The following PRH1 variants were observed in gnomAD, a reference collection of about 807,000 sequenced individuals.
PRH1 encodes the protein proline rich protein HaeIII subfamily 1, also known as salivary acidic proline-rich phosphoprotein 1/2.
PRH1 carries 7 observed loss-of-function variants against 7.9 expected under a neutral mutation model. The ratio of observed to expected loss-of-function variants is 0.89; its 90% CI spans 0.50 to 1.67. The LOEUF (loss-of-function observed/expected upper bound fraction) is 1.67, where lower values mean the gene tolerates loss of function less well. Among genes scored for constraint, PRH1 ranks in the 40% most tolerant of loss-of-function variants. The pLI is 0.00. For synonymous variants in PRH1, 45 were observed against 80.8 expected (o/e 0.56, Z 2.38); for missense variants, 109 against 223.6 (o/e 0.49, Z 3.27).
In PRH1 at chr12:10,985,798, A is replaced by G. The variant is rs533632641; in HGVS notation, c.-125-12077T>C. ...CTTTTAGACTAACTTTAGGTAAAAG[A>G]CTTTTCTAGGTATGCTTTCAGAAAA... On this transcript the variant is annotated intron_variant, in intron 1 of 3. Coordinates refer to the PRH1 transcript ENST00000539853. 179 of 748,188 alleles carry G rather than the reference A, an allele frequency of 2.4e-4. 2 individuals are homozygous for G. The South Asian group carries it at 3.8e-3, about 16-fold the overall frequency. The allele number at this position is 748,188 out of a possible 1,614,324, so 46.3% of individuals were successfully genotyped here. A position where few individuals can be genotyped will look rare whatever the true frequency, so the allele number is the denominator to read the frequency against.
intron 1 of PRH1, among the ~76,000 whole-genome samples, chr12:11,083,583 A>C (rs1565634974): frequency 9.0e-6 from 1 of 110,986 alleles, no homozygotes; most frequent in Non-Finnish European, 2.0e-5. Context: ...TAAAGAAAAA[A>C]CTTATAGCAT....
chr12:11,145,974 G>A (rs1946847739), intron 1 of PRH1, among the ~76,000 whole-genome samples: 1 of 151,984 alleles, frequency 6.6e-6, no homozygotes. Context: ...ATTATTTTTA[G>A]AAACGTTTCA....
chr12:11,084,143 T>C (rs1293704431), intron 1 of PRH1, among the ~76,000 whole-genome samples: 1 of 125,718 alleles, frequency 8.0e-6, no homozygotes, highest in Non-Finnish European at 1.9e-5. Flanking sequence ...ACAGGAACTG[T>C]GTTAGGATTA....
chr12:11,142,065 T>C (rs1257605573), intron 1 of PRH1, among the ~76,000 whole-genome samples: 1 of 152,132 alleles, frequency 6.6e-6, no homozygotes, highest in Admixed American at 6.6e-5. Context: ...AGTGCTTGGA[T>C]ACAGGCATGA....
intron 1 of PRH1, among the ~76,000 whole-genome samples, chr12:11,017,369 GAAATA>G (rs1431508824): frequency 1.3e-5 from 2 of 152,110 alleles, no homozygotes; most frequent in African/African-American, 4.8e-5. Flanking sequence ...ACATTAAATA[GAAATA>G]AAATATCAGA....
intron 1 of PRH1, among the ~76,000 whole-genome samples, chr12:10,982,927 T>G (rs1939427623): frequency 6.6e-6 from 1 of 152,176 alleles, no homozygotes; most frequent in Non-Finnish European, 1.5e-5. Flanking sequence ...TATTGGGGTT[T>G]TGAATTCAAC....
intron 1 of PRH1, among the ~76,000 whole-genome samples, chr12:11,152,500 C>G (rs1326233048): frequency 6.6e-6 from 1 of 151,934 alleles, no homozygotes; most frequent in Admixed American, 6.6e-5. Flanking sequence ...TCTCTTCTCT[C>G]AAGATCAATT....
At chr12:11,134,913 A>G (rs1369215068) in intron 1 of PRH1, among the ~76,000 whole-genome samples, 3 of 152,032 alleles carry the variant, frequency 2.0e-5, no homozygotes, top group Non-Finnish European at 4.4e-5. Context: ...TACACACACA[A>G]ACACACACAT....
At chr12:11,143,932 T>C (rs955122178) in intron 1 of PRH1, among the ~76,000 whole-genome samples, 6 of 152,178 alleles carry the variant, frequency 3.9e-5, no homozygotes, top group African/African-American at 1.2e-4. Context: ...CAGAGTCCTG[T>C]GATGTGAACA....
At chr12:10,881,722 C>T (rs1016657799) in intron 3 of PRH1, among the ~76,000 whole-genome samples, 3 of 152,082 alleles carry the variant, frequency 2.0e-5, no homozygotes, top group Admixed American at 2.0e-4. Flanking sequence ...CTGTACATTT[C>T]GGTTCAGTGA....
intron 2 of PRH1, among the ~76,000 whole-genome samples, chr12:10,892,540 G>A (rs1347641951): frequency 6.6e-6 from 1 of 151,994 alleles, no homozygotes; most frequent in Non-Finnish European, 1.5e-5. Context: ...TTCATAAGGG[G>A]TATGTCATTT....
At chr12:11,038,238 A>T (rs76499663) in intron 1 of PRH1, among the ~76,000 whole-genome samples, 3,608 of 152,300 alleles carry the variant, frequency 0.024, 67 homozygotes, top group Non-Finnish European at 0.038. Flanking sequence ...TAACATACAC[A>T]TAGAGAGTAA....
intron 1 of PRH1, among the ~76,000 whole-genome samples, chr12:11,113,609 A>T (rs149860270): frequency 6.6e-6 from 1 of 152,188 alleles, no homozygotes; most frequent in Non-Finnish European, 1.5e-5. Context: ...AACCATAAAA[A>T]CCCTAGAAGA....
chr12:10,991,577 T>C (rs1057331812), intron 1 of PRH1, among the ~76,000 whole-genome samples: 5 of 152,184 alleles, frequency 3.3e-5, no homozygotes, highest in African/African-American at 1.2e-4. Context: ...ATTTGATATA[T>C]GTAACTATAT....
rs767155898 is a variant in PRH1 at position 10,938,629 on chromosome 12, C to A, written c.-59+35026G>T. ...TGAGGAGAAGAAACATTGCCAGGGACAAAGTAAAGGGTATGAAAATGAACA... is the reference window on the plus strand; with the variant it reads ...TGAGGAGAAGAAACATTGCCAGGGAAAAAGTAAAGGGTATGAAAATGAACA... On this transcript the variant is annotated intron_variant, in intron 2 of 3. Coordinates refer to the PRH1 transcript ENST00000539853. 7.4e-6 allele frequency: 12 copies of A among 1,613,604 alleles called. No homozygotes were observed. The Admixed American group carries it at 2.0e-4, about 27-fold the overall frequency.
Position 11,082,054 on chromosome 12 carries a change from T to G in PRH1, n.124-34866A>C, listed in dbSNP as rs1408152721. On this transcript the variant is annotated intron_variant and non_coding_transcript_variant, in intron 1 of 4. Transcript: ENST00000541977. ...AAATCTAAATGTATTCAGCCTGACTTGAACTTTGCTGTTTACTAATATAAC... is the reference window on the plus strand; with the variant it reads ...AAATCTAAATGTATTCAGCCTGACTGGAACTTTGCTGTTTACTAATATAAC... 3.4e-5 allele frequency among the ~76,000 whole-genome samples: 4 copies of G among 116,982 alleles called. 1 individual carries two copies. The highest frequency in any genetic ancestry group is 6.1e-5 in the Non-Finnish European group (3 of 49,294). 76.7% of individuals were successfully genotyped at this position (116,982 alleles called of 152,430 possible).
intron 1 of PRH1, among the ~76,000 whole-genome samples, chr12:11,071,367 T>C (rs1944060154): frequency 6.6e-6 from 1 of 152,148 alleles, no homozygotes. Flanking sequence ...TCAGTCAGAA[T>C]GGTAGGGAAA....
chr12:11,164,526 T>C (rs184992711), intron 1 of PRH1, among the ~76,000 whole-genome samples: 1 of 152,324 alleles, frequency 6.6e-6, no homozygotes, highest in East Asian at 1.9e-4. Context: ...ACTAATACAG[T>C]AGCCTGCATA....
intron 1 of PRH1, among the ~76,000 whole-genome samples, chr12:11,086,261 T>G (rs1944692888): frequency 6.8e-6 from 1 of 146,058 alleles, no homozygotes; most frequent in Non-Finnish European, 1.5e-5. Context: ...GTTTTTCTCT[T>G]GAGTCTAATA....
Sources: allele counts gnomAD v4.1 joint callset (sites outside exome capture counted in the v4.1 genomes callset), GRCh38; gene constraint gnomAD v4.1.1; transcripts MANE v1.5; gene names NCBI Gene and HGNC (gene_info 2026-07-23, HGNC 2026-07-21).